Variants in DMD observed in about 807,000 individuals in gnomAD.
The protein encoded by DMD is mutant dystrophin.
In DMD, 63 loss-of-function variants were observed where a neutral mutation model predicts 330.1. The observed-to-expected ratio is 0.19, with a 90% CI of 0.16 to 0.24. The LOEUF (loss-of-function observed/expected upper bound fraction) is 0.24. Among genes scored for constraint, DMD ranks in the 10% least tolerant of loss-of-function variants. DMD has a pLI of 1.00. For synonymous variants in DMD, 1,223 were observed against 959.8 expected (o/e 1.27, Z -5.07); for missense variants, 3,344 against 2,684.1 (o/e 1.25, Z -5.43).
chrX:31,302,270 G>C (rs1473911683), intron 62 of DMD, among the ~76,000 whole-genome samples: 1 of 111,566 alleles, frequency 9.0e-6, no homozygotes, highest in Non-Finnish European at 1.9e-5. Context: ...GACAAAGCAA[G>C]AATCAGAACC....
chrX:32,655,033 C>T (rs1198354682), intron 9 of DMD, among the ~76,000 whole-genome samples: 1 of 111,312 alleles, frequency 9.0e-6, no homozygotes, highest in African/African-American at 3.3e-5. Flanking sequence ...TTTGATTCTT[C>T]TCTCTTTTCT....
At chrX:32,843,510 A>C (rs1384160655) in intron 4 of DMD, among the ~76,000 whole-genome samples, 2 of 112,265 alleles carry the variant, frequency 1.8e-5, no homozygotes. Context: ...TCATAAAATC[A>C]GCCAATTAAT....
At chrX:32,517,638 C>A in intron 18 of DMD, 1 of 225,144 alleles carries the variant, frequency 4.4e-6, no homozygotes, top group Non-Finnish European at 7.9e-6. Flanking sequence ...TTATTCTATT[C>A]TATTTTACTC....
intron 2 of DMD, among the ~76,000 whole-genome samples, chrX:32,867,744 T>C (rs1484154193): frequency 8.9e-6 from 1 of 111,923 alleles, no homozygotes; most frequent in Non-Finnish European, 1.9e-5. Flanking sequence ...AAGTGGAAAC[T>C]ATCAAATAGT....
At chrX:31,523,201 C>CT (rs2147375172) in intron 55 of DMD, among the ~76,000 whole-genome samples, 1 of 111,459 alleles carries the variant, frequency 9.0e-6, no homozygotes, top group South Asian at 3.9e-4. Flanking sequence ...AAACACTGTT[C>CT]TAGCATAACA....
At chrX:32,754,542 C>G (rs966977485) in intron 7 of DMD, among the ~76,000 whole-genome samples, 1 of 70,136 alleles carries the variant, frequency 1.4e-5, no homozygotes, top group African/African-American at 8.7e-5. Flanking sequence ...TAGAAATAAA[C>G]CATTAAAAAA....
intron 44 of DMD, among the ~76,000 whole-genome samples, chrX:32,010,244 A>G (rs6527147): frequency 0.23 from 25,661 of 111,234 alleles, 4,042 homozygotes; most frequent in African/African-American, 0.56. Context: ...TTGCATCCAT[A>G]TCTATTAAAT....
chrX:33,022,348 A>T (rs2093930031), intron 1 of DMD, among the ~76,000 whole-genome samples: 1 of 110,803 alleles, frequency 9.0e-6, no homozygotes, highest in African/African-American at 3.3e-5. Context: ...TAAGCATCGA[A>T]GGCAGCACGA....
At chrX:32,757,898 G>T (rs1244388192) in intron 7 of DMD, among the ~76,000 whole-genome samples, 1 of 111,479 alleles carries the variant, frequency 9.0e-6, no homozygotes, top group African/African-American at 3.3e-5. Flanking sequence ...TGCAGTTCCT[G>T]TTTCTGCTGT....
rs755026763 is a variant in DMD at position 31,721,315 on chromosome X, T to C, written c.7660+8316A>G. Among the ~76,000 whole-genome samples the C allele has an allele frequency of 1.5e-3, 167 of 110,554 alleles. 1 individual carries two copies. Among genetic ancestry groups the C allele is most frequent in the Non-Finnish European group, 2.4e-3 (126 of 52,975 alleles). ...CAATCTAGATGTTGCTGTGAAGGTA[T>C]TTTTTAGATGTGATTAACATTTCAA... On this transcript the variant is annotated intron_variant, in intron 52 of 78. Transcript: ENST00000357033.
At chrX:32,669,934 A>T (rs982868962) in intron 9 of DMD, among the ~76,000 whole-genome samples, 1 of 111,107 alleles carries the variant, frequency 9.0e-6, no homozygotes, top group African/African-American at 3.3e-5. Flanking sequence ...CCCTAACCAT[A>T]TGCCCTACAC....
intron 47 of DMD, among the ~76,000 whole-genome samples, chrX:31,909,195 G>A (rs759636604): frequency 7.2e-5 from 8 of 111,612 alleles, no homozygotes; most frequent in African/African-American, 1.3e-4. Context: ...TCACCCTTAC[G>A]TTCCTTTGAG....
intron 60 of DMD, among the ~76,000 whole-genome samples, chrX:31,378,523 A>T (rs143970030): frequency 9.0e-6 from 1 of 110,681 alleles, no homozygotes. Flanking sequence ...TTCCCTTGGT[A>T]TTTAATCACG....
rs750145993 is a variant in DMD, at chrX:32,537,360, A to T, written c.2168+7799T>A. ...ATTATAAATGATATTTCCCCAAAAA[A>T]TAAAGCATCATAAGAAGAAAATAAA... On this transcript the variant is annotated intron_variant, in intron 17 of 78. Coordinates refer to ENST00000357033, the MANE Select transcript of DMD (RefSeq NM_004006.3). Among the ~76,000 whole-genome samples the T allele has an allele frequency of 1.4e-4, 16 of 111,694 alleles. No individual in the cohort carries two copies. In the East Asian group the frequency reaches 2.3e-3, roughly 16 times the overall value.
intron 55 of DMD, among the ~76,000 whole-genome samples, chrX:31,545,745 A>G (rs147769385): frequency 3.6e-5 from 4 of 110,534 alleles, no homozygotes; most frequent in African/African-American, 1.3e-4. Context: ...AAATCAATGA[A>G]CTCCTTAAAC....
chrX:31,930,656 G>A (rs1408072932), intron 46 of DMD, among the ~76,000 whole-genome samples: 1 of 111,948 alleles, frequency 8.9e-6, no homozygotes, highest in Non-Finnish European at 1.9e-5. Flanking sequence ...ATAGCTAGTC[G>A]TTACAAAAAT....
chrX:32,543,036 T>C (rs1409220091), intron 17 of DMD, among the ~76,000 whole-genome samples: 2 of 112,054 alleles, frequency 1.8e-5, no homozygotes, highest in Non-Finnish European at 3.8e-5. Flanking sequence ...CTGTCTGAGG[T>C]ACACTGTAGC....
intron 1 of DMD, among the ~76,000 whole-genome samples, chrX:33,091,382 G>T (rs1189570591): frequency 9.0e-6 from 1 of 111,647 alleles, no homozygotes; most frequent in Non-Finnish European, 1.9e-5. Context: ...CTTATGAATG[G>T]ATTGCAGGAG....
chrX:31,635,322 G>T, intron 54 of DMD, among the ~76,000 whole-genome samples: 1 of 111,909 alleles, frequency 8.9e-6, no homozygotes, highest in East Asian at 2.8e-4. Context: ...AGACTAAGCA[G>T]CTTTTCTTCT....
Sources: gnomAD v4.1 joint callset for allele counts (sites outside exome capture counted in the v4.1 genomes callset) on GRCh38, gnomAD v4.1.1 for gene constraint, MANE v1.5 for transcripts, NCBI Gene and HGNC (gene_info 2026-07-23, HGNC 2026-07-21) for gene names.